The following EDIL3 variants were observed in gnomAD, a reference collection of about 807,000 sequenced individuals.
EDIL3 encodes the protein EGF-like repeat and discoidin I-like domain-containing protein 3.
A neutral mutation model predicts 67.4 loss-of-function variants in EDIL3; 37 were observed. The observed-to-expected ratio is 0.55, with a 90% CI of 0.42 to 0.72. The LOEUF is 0.72. Ranked by LOEUF, EDIL3 falls within the 30% of genes least tolerant of loss-of-function variation. The pLI is 0.00. For synonymous variants in EDIL3, 195 were observed against 196.3 expected (o/e 0.99, Z 0.05); for missense variants, 527 against 586.3 (o/e 0.90, Z 1.04).
rs1744636346 is a variant in EDIL3 at position 83,963,283 on chromosome 5, A to G, written c.1215T>C (p.Val405=). Residue 405 remains valine (V), a synonymous_variant, in exon 10 of 11, where the codon GTT becomes GTC. Coordinates refer to ENST00000296591, the MANE Select transcript of EDIL3 (RefSeq NM_005711.5). Reference sequence around the variant, plus strand: ...TGCTGTAAGCCAGTTTGTAGGAGCCAACAAACTGTACATGACCAAAATCTT... The same window carrying G: ...TGCTGTAAGCCAGTTTGTAGGAGCCGACAAACTGTACATGACCAAAATCTT... The part of the protein sequence containing the change: ...GAKDFGHVQF[V]GSYKLAYSND... 4 of 1,610,504 alleles carry G rather than the reference A, an allele frequency of 2.5e-6. No individual in the cohort carries two copies. In the African/African-American group the frequency reaches 5.4e-5, roughly 22 times the overall value.
At chr5:84,081,425 A>G (rs72774783) in intron 6 of EDIL3, among the ~76,000 whole-genome samples, 10,007 of 152,330 alleles carry the variant, frequency 0.066, 460 homozygotes, top group Middle Eastern at 0.12. Flanking sequence ...AGGAATAAAA[A>G]GAGCAAACGA....
At chr5:84,342,802 C>G (rs1210080757) in intron 1 of EDIL3, among the ~76,000 whole-genome samples, 2 of 151,992 alleles carry the variant, frequency 1.3e-5, no homozygotes, top group African/African-American at 4.8e-5. Flanking sequence ...GAACACAGAA[C>G]AGCAAGTCAA....
chr5:83,975,141 A>G (rs1448683541), intron 9 of EDIL3, among the ~76,000 whole-genome samples: 1 of 152,038 alleles, frequency 6.6e-6, no homozygotes, highest in African/African-American at 2.4e-5. Flanking sequence ...TAACTTTCAT[A>G]AAATATTTTG....
In EDIL3 at chr5:83,943,561, T is replaced by C. The variant is rs1350023658; in HGVS notation, c.1301A>G (p.Gln434Arg). ...DEKQRKDKVF[Q>R]GNFDNDTHRK... ...GTGAGTGTCATTGTCAAAATTTCCC[T>C]GGAAAACCTAATAAAGAAGAGCAGA... is the stretch of plus-strand genomic sequence containing the variant. The change falls in exon 11 of 11, where the codon CAG becomes CGG. Residue 434 changes from glutamine (Q) to arginine (R), a missense_variant. Physicochemically the swap from Gln to Arg is conservative, Grantham distance 43 (BLOSUM62 1). Around this residue, in one of 2 missense-constraint regions of EDIL3, gnomAD observed 33 missense variants for 63.7 expected, o/e 0.52. Transcript: ENST00000296591. The C allele has an allele frequency of 8.1e-6, 13 of 1,612,010 alleles. No individual in the cohort carries two copies. The highest frequency in any genetic ancestry group is 1.1e-5 in the Non-Finnish European group (13 of 1,178,846).
chr5:84,173,408 CT>C (rs1202214517), intron 4 of EDIL3, among the ~76,000 whole-genome samples: 1 of 152,098 alleles, frequency 6.6e-6, no homozygotes, highest in Non-Finnish European at 1.5e-5. Context: ...GAGACCCTGG[CT>C]TTTCAGGTAG....
At chr5:84,174,343 T>C (rs1455101977) in intron 4 of EDIL3, among the ~76,000 whole-genome samples, 2 of 152,176 alleles carry the variant, frequency 1.3e-5, no homozygotes, top group African/African-American at 4.8e-5. Flanking sequence ...GAACTAACTA[T>C]ATATTGGACA....
chr5:84,368,072 AT>A (rs1259188634), intron 1 of EDIL3, among the ~76,000 whole-genome samples: 2 of 152,194 alleles, frequency 1.3e-5, no homozygotes, highest in African/African-American at 2.4e-5. Context: ...TGATGTAACT[AT>A]TTTGAAACTC....
intron 3 of EDIL3, among the ~76,000 whole-genome samples, chr5:84,212,737 A>C (rs1744150159): frequency 6.6e-6 from 1 of 152,206 alleles, no homozygotes; most frequent in Admixed American, 6.5e-5. Context: ...AATAAGCACA[A>C]CATGTGTGAC....
intron 9 of EDIL3, among the ~76,000 whole-genome samples, chr5:84,050,380 G>T (rs1418419140): frequency 6.6e-6 from 1 of 152,166 alleles, no homozygotes; most frequent in African/African-American, 2.4e-5. Flanking sequence ...ACAGCTCCCA[G>T]TGTGAGCGAC....
chr5:83,967,290 CA>C (rs1198675655), intron 9 of EDIL3, among the ~76,000 whole-genome samples: 1 of 152,046 alleles, frequency 6.6e-6, no homozygotes, highest in Non-Finnish European at 1.5e-5. Context: ...CACTGTACTC[CA>C]GCCTGGGCAA....
intron 3 of EDIL3, among the ~76,000 whole-genome samples, chr5:84,204,174 T>C (rs1743909629): frequency 6.6e-6 from 1 of 152,190 alleles, no homozygotes; most frequent in African/African-American, 2.4e-5. Flanking sequence ...TTAATTCAAT[T>C]TTTTCATTAG....
intron 9 of EDIL3, among the ~76,000 whole-genome samples, chr5:84,028,141 T>C (rs1189001106): frequency 1.3e-5 from 2 of 152,164 alleles, no homozygotes; most frequent in African/African-American, 4.8e-5. Flanking sequence ...TGCAGGACTA[T>C]CAATTTTATC....
intron 1 of EDIL3, among the ~76,000 whole-genome samples, chr5:84,270,834 A>C (rs775336338): frequency 2.6e-5 from 4 of 152,216 alleles, no homozygotes; most frequent in Non-Finnish European, 5.9e-5. Context: ...ATATCCGTGG[A>C]GAAGGCAGAC....
chr5:84,374,962 G>C (rs1483253102), intron 1 of EDIL3, among the ~76,000 whole-genome samples: 1 of 149,420 alleles, frequency 6.7e-6, no homozygotes, highest in Non-Finnish European at 1.5e-5. Context: ...CCAGTCTCGG[G>C]TATTTCTTTT....
intron 1 of EDIL3, among the ~76,000 whole-genome samples, chr5:84,335,115 T>C (rs1300014524): frequency 6.6e-6 from 1 of 152,186 alleles, no homozygotes; most frequent in Admixed American, 6.6e-5. Flanking sequence ...ATTCCTGAAG[T>C]CACTTTTAAT....
At chr5:84,085,226 AGTT>A (rs1472132445) in intron 6 of EDIL3, among the ~76,000 whole-genome samples, 9 of 152,090 alleles carry the variant, frequency 5.9e-5, no homozygotes, top group African/African-American at 1.7e-4. Flanking sequence ...CTTGCTGGAG[AGTT>A]GTTGTGATCA....
At chr5:84,121,538 GATCT>G (rs3046833) in intron 5 of EDIL3, among the ~76,000 whole-genome samples, 8,404 of 129,798 alleles carry the variant, frequency 0.065, 297 homozygotes, top group African/African-American at 0.1. Flanking sequence ...AACTTAGATC[GATCT>G]ATCTATCTAT....
At chr5:83,971,470 T>A (rs10428624) in intron 9 of EDIL3, among the ~76,000 whole-genome samples, 17 of 151,592 alleles carry the variant, frequency 1.1e-4, no homozygotes, top group African/African-American at 3.9e-4. Context: ...GCCTTGCTAT[T>A]TTGTCCAGGT....
chr5:84,106,415 T>C (rs998871741), intron 6 of EDIL3, among the ~76,000 whole-genome samples: 29 of 152,108 alleles, frequency 1.9e-4, no homozygotes, highest in Admixed American at 3.9e-4. Flanking sequence ...AAAACAGTGA[T>C]ATTTATACCT....
Sources: gnomAD v4.1 joint callset for allele counts (sites outside exome capture counted in the v4.1 genomes callset) on GRCh38, gnomAD v4.1.1 for gene constraint, gnomAD v4.1.1 regional missense constraint, MANE v1.5 for transcripts, NCBI Gene and HGNC (gene_info 2026-07-23, HGNC 2026-07-21) for gene names.